Variants in SDK2 observed in about 807,000 individuals in gnomAD.
SDK2 encodes protein sidekick-2.
A neutral mutation model predicts 253.9 loss-of-function variants in SDK2; 105 were observed. The observed-to-expected ratio is 0.41, with a 90% CI of 0.35 to 0.49. The LOEUF (loss-of-function observed/expected upper bound fraction) is 0.49. Among genes scored for constraint, SDK2 ranks in the 20% least tolerant of loss-of-function variants. SDK2 has a pLI of 0.06. For missense variants in SDK2, 2,608 were observed against 3,003.0 expected, an observed-to-expected ratio of 0.87 and a Z score of 3.07; for synonymous variants, 1,249 against 1,234.9, an observed-to-expected ratio of 1.01 and a Z score of -0.24.
intron 1 of SDK2, among the ~76,000 whole-genome samples, chr17:73,567,287 T>A (rs550905508): frequency 6.6e-6 from 1 of 152,254 alleles, no homozygotes; most frequent in Non-Finnish European, 1.5e-5. Flanking sequence ...AGCTTCCACA[T>A]GGTGAAGCCT....
At chr17:73,353,144 C>T (rs1253372273) in intron 40 of SDK2, among the ~76,000 whole-genome samples, 1 of 151,964 alleles carries the variant, frequency 6.6e-6, no homozygotes, top group Admixed American at 6.6e-5. Flanking sequence ...ATTAAAATAT[C>T]TGTACTACAT....
At chr17:73,608,231 T>C (rs2045931233) in intron 1 of SDK2, among the ~76,000 whole-genome samples, 1 of 152,102 alleles carries the variant, frequency 6.6e-6, no homozygotes, top group Non-Finnish European at 1.5e-5. Context: ...CTTTGTAGAC[T>C]GTCCCTCCCT....
chr17:73,375,627 G>A (rs1599497680), intron 36 of SDK2, among the ~76,000 whole-genome samples: 1 of 152,168 alleles, frequency 6.6e-6, no homozygotes, highest in Non-Finnish European at 1.5e-5. Context: ...GGGAGACCGA[G>A]GGCGGATCAC....
rs79994440 is a variant in SDK2, at chr17:73,590,873, G to A, written c.64+53152C>T. On this transcript the variant is annotated intron_variant, in intron 1 of 44. Transcript: ENST00000392650. Reference sequence around the variant, plus strand: ...TGCCACCACCGGACTGTAGGAAGGCGGACATCTTATCCAGCTAGCTGTCAT... The same window carrying A: ...TGCCACCACCGGACTGTAGGAAGGCAGACATCTTATCCAGCTAGCTGTCAT... Among the ~76,000 whole-genome samples the A allele has an allele frequency of 4.7e-4, 72 of 152,242 alleles. No individual in the cohort carries two copies. In the East Asian group the frequency reaches 0.011, roughly 23 times the overall value.
At chr17:73,633,936 T>C (rs549463533) in intron 1 of SDK2, among the ~76,000 whole-genome samples, 1 of 152,010 alleles carries the variant, frequency 6.6e-6, no homozygotes, top group Admixed American at 6.5e-5. Flanking sequence ...CAGTGTGAGC[T>C]TGGTGGAAGG....
At chr17:73,601,536 G>A (rs372601613) in intron 1 of SDK2, among the ~76,000 whole-genome samples, 1 of 152,270 alleles carries the variant, frequency 6.6e-6, no homozygotes, top group Admixed American at 6.5e-5. Context: ...GAGAAAAGAC[G>A]GGATGAAGCA....
chr17:73,473,401 G>A (rs1334127781), intron 2 of SDK2, among the ~76,000 whole-genome samples: 1 of 152,124 alleles, frequency 6.6e-6, no homozygotes, highest in Admixed American at 6.5e-5. Flanking sequence ...CTAGGCAATG[G>A]TCCCACAGGA....
intron 2 of SDK2, among the ~76,000 whole-genome samples, chr17:73,484,711 C>G (rs541409139): frequency 6.6e-6 from 1 of 152,344 alleles, no homozygotes; most frequent in Admixed American, 6.5e-5. Context: ...TCCTTCCTGC[C>G]TCCTTCAGCT....
chr17:73,435,329 T>C lies in SDK2; in HGVS notation c.1195+121A>G. The C allele has an allele frequency of 2.0e-6, 2 of 1,018,158 alleles. No individual in the cohort carries two copies. Among genetic ancestry groups the C allele is most frequent in the Non-Finnish European group, 2.8e-6 (2 of 717,466 alleles). 63.1% of individuals were successfully genotyped at this position (1,018,158 alleles called of 1,614,324 possible). A position where few individuals can be genotyped will look rare whatever the true frequency, so the allele number is the denominator to read the frequency against. On this transcript the variant is annotated intron_variant, in intron 9 of 44. Coordinates refer to ENST00000392650, the MANE Select transcript of SDK2 (RefSeq NM_001144952.2). This position sits in a 1 kb window ranked among gnomAD's most constrained non-coding sequence, Gnocchi z 5.7. ...AGGCTGCTGGGCAGCAGGCGGCCTT[T>C]GGGGATCCTATCTGCTTAATGGAAC...
chr17:73,457,251 CT>C (rs2063532646), intron 3 of SDK2, among the ~76,000 whole-genome samples: 1 of 63,962 alleles, frequency 1.6e-5, no homozygotes, highest in African/African-American at 7.6e-5. Flanking sequence ...TCCTTCCTTC[CT>C]TCCTTCCTTC....
At position 73,379,430 on chromosome 17, in the gene SDK2, A is replaced by G; in HGVS notation, c.4864+18T>C. ...TGGGAAAGGCATGCTGGGGCCGGACAGGGCGGGCGCTGCTCACCTGCCTCC... is the reference window on the plus strand; with the variant it reads ...TGGGAAAGGCATGCTGGGGCCGGACGGGGCGGGCGCTGCTCACCTGCCTCC... On this transcript the variant is annotated intron_variant, in intron 35 of 44. Coordinates refer to ENST00000392650, the MANE Select transcript of SDK2 (RefSeq NM_001144952.2). The surrounding 1 kb of genome is among the most constrained non-coding windows in gnomAD (Gnocchi z 4.5). 6.3e-7 allele frequency: 1 copy of G among 1,576,680 alleles called. No homozygotes were observed. The highest frequency in any genetic ancestry group is 8.7e-7 in the Non-Finnish European group (1 of 1,153,984).
At chr17:73,421,435 C>T (rs1437868118) in intron 15 of SDK2, among the ~76,000 whole-genome samples, 2 of 152,206 alleles carry the variant, frequency 1.3e-5, no homozygotes, top group East Asian at 3.8e-4. Context: ...GTTCTGACCT[C>T]TCCCATGACA....
At chr17:73,463,254 G>A (rs1232819935) in intron 3 of SDK2, among the ~76,000 whole-genome samples, 3 of 152,200 alleles carry the variant, frequency 2.0e-5, no homozygotes, top group African/African-American at 7.2e-5. Context: ...AAGAAGTGCA[G>A]GCCTGGGGCA....
At chr17:73,633,930 G>T (rs2046300000) in intron 1 of SDK2, among the ~76,000 whole-genome samples, 1 of 152,170 alleles carries the variant, frequency 6.6e-6, no homozygotes, top group Non-Finnish European at 1.5e-5. Context: ...GGAGGGCAGT[G>T]TGAGCTTGGT....
intron 1 of SDK2, among the ~76,000 whole-genome samples, chr17:73,619,308 G>C (rs1166106258): frequency 6.6e-6 from 1 of 152,092 alleles, no homozygotes; most frequent in Admixed American, 6.5e-5. Context: ...TTGAGGGCAG[G>C]CTGAAGTCAG....
chr17:73,339,224 T>TTC, intron 44 of SDK2, among the ~76,000 whole-genome samples: 1 of 133,588 alleles, frequency 7.5e-6, no homozygotes, highest in Admixed American at 7.8e-5. Flanking sequence ...TTTTTTTTTG[T>TTC]TTTTGTTTTT....
chr17:73,604,980 A>C (rs2045888693), intron 1 of SDK2, among the ~76,000 whole-genome samples: 1 of 152,134 alleles, frequency 6.6e-6, no homozygotes, highest in Non-Finnish European at 1.5e-5. Context: ...AGAGTTAGAG[A>C]GGCAACCCCA....
chr17:73,636,860 A>G (rs1046883237), intron 1 of SDK2, among the ~76,000 whole-genome samples: 2 of 152,152 alleles, frequency 1.3e-5, no homozygotes, highest in African/African-American at 4.8e-5. Context: ...GTCATTTATT[A>G]AACAAGTGCT....
intron 5 of SDK2, among the ~76,000 whole-genome samples, chr17:73,445,606 G>C (rs757010528): frequency 2.0e-5 from 3 of 152,138 alleles, no homozygotes; most frequent in Non-Finnish European, 4.4e-5. Context: ...GGTGCGGAGG[G>C]GAGAGCAGAC....
Sources: allele counts gnomAD v4.1 joint callset (sites outside exome capture counted in the v4.1 genomes callset), GRCh38; gene constraint gnomAD v4.1.1; non-coding constraint Gnocchi (gnomAD v3.1); transcripts MANE v1.5; gene names NCBI Gene and HGNC (gene_info 2026-07-23, HGNC 2026-07-21).